Variants in KIF21A observed in about 807,000 individuals in gnomAD.
KIF21A encodes the protein kinesin-like protein KIF21A.
KIF21A carries 114 observed loss-of-function variants against 202.9 expected under a neutral mutation model. The ratio of observed to expected loss-of-function variants is 0.56; its 90% CI spans 0.48 to 0.66. The LOEUF (loss-of-function observed/expected upper bound fraction) is 0.66, where lower values mean the gene tolerates loss of function less well. Among genes scored for constraint, KIF21A ranks in the 30% least tolerant of loss-of-function variants. KIF21A has a pLI of 0.00. For synonymous variants in KIF21A, 667 were observed against 670.8 expected, an observed-to-expected ratio of 0.99 and a Z score of 0.09; for missense variants, 1,677 against 1,994.9, an observed-to-expected ratio of 0.84 and a Z score of 3.04.
intron 11 of KIF21A, among the ~76,000 whole-genome samples, chr12:39,350,739 A>T (rs1194194348): frequency 6.6e-6 from 1 of 152,032 alleles, no homozygotes; most frequent in African/African-American, 2.4e-5. Flanking sequence ...ATAATGTATA[A>T]TTCCTTGCTT....
At chr12:39,319,862 G>T in intron 28 of KIF21A, 44 bp downstream of exon 28, 1 of 1,071,072 alleles carries the variant, frequency 9.3e-7, no homozygotes, top group Non-Finnish European at 1.4e-6. Context: ...AAGTGCAGCA[G>T]GCATTTAATA....
chr12:39,365,129 C>T (rs1380711422), intron 6 of KIF21A, among the ~76,000 whole-genome samples: 1 of 152,106 alleles, frequency 6.6e-6, no homozygotes, highest in African/African-American at 2.4e-5. Flanking sequence ...CCACTTAGAC[C>T]CCATATGATT....
intron 10 of KIF21A, among the ~76,000 whole-genome samples, chr12:39,352,642 G>C (rs993338869): frequency 2.0e-5 from 3 of 152,134 alleles, no homozygotes. Flanking sequence ...TCACACAATA[G>C]TAGCATTTCC....
At chr12:39,306,801 A>G (rs1331339201) in intron 34 of KIF21A, among the ~76,000 whole-genome samples, 1 of 152,208 alleles carries the variant, frequency 6.6e-6, no homozygotes, top group South Asian at 2.1e-4. Flanking sequence ...TGGCAAGAGC[A>G]TTTGAGCCCA....
At chr12:39,295,117 T>G (rs1198729109) in intron 37 of KIF21A, among the ~76,000 whole-genome samples, 1 of 152,170 alleles carries the variant, frequency 6.6e-6, no homozygotes, top group Non-Finnish European at 1.5e-5. Flanking sequence ...AAGAGGCTAT[T>G]GAGAAGTGAA....
In KIF21A at chr12:39,341,912, T is replaced by C. The variant is rs1169518046; in HGVS notation, c.1803+122A>G. 4.0e-6 allele frequency: 3 copies of C among 745,780 alleles called. No homozygotes were observed. In the African/African-American group the frequency reaches 5.2e-5, roughly 13 times the overall value. 46.2% of individuals were successfully genotyped at this position (745,780 alleles called of 1,614,324 possible). A position where few individuals can be genotyped will look rare whatever the true frequency, so the allele number is the denominator to read the frequency against. On this transcript the variant is annotated intron_variant, in intron 13 of 37. Transcript: ENST00000361418. ...CTCTGAAGAAACATCTTCAAAGAAA[T>C]AGATTAAACAGAATGCATCATAAGC...
intron 30 of KIF21A, 165 bp downstream of exon 30, chr12:39,315,767 C>A: frequency 4.2e-6 from 3 of 712,040 alleles, no homozygotes; most frequent in Non-Finnish European, 7.8e-6. Context: ...AAGGTATGAC[C>A]ACAAAAATGT....
chr12:39,366,604 C>T, intron 5 of KIF21A, 87 bp from the exon 6 acceptor site: 1 of 918,154 alleles, frequency 1.1e-6, no homozygotes, highest in Non-Finnish European at 1.7e-6. Flanking sequence ...CCCATGTACA[C>T]ATATAGGCAC....
At chr12:39,363,415 T>C (rs893795582) in intron 6 of KIF21A, among the ~76,000 whole-genome samples, 4 of 152,048 alleles carry the variant, frequency 2.6e-5, no homozygotes, top group African/African-American at 9.7e-5. Flanking sequence ...ACCGTATGTA[T>C]ATATTAGTAC....
chr12:39,330,247 G>T lies in KIF21A; in HGVS notation c.3335C>A (p.Pro1112Gln), dbSNP rs1167441024. Residue 1112 changes from proline (P) to glutamine (Q), a missense_variant, in exon 24 of 38, where the codon CCA (proline) becomes CAA (glutamine). This residue lies in a region of KIF21A where 705 missense variants were observed against 791.9 expected (regional missense o/e 0.89). Transcript: ENST00000361418. ...GHALQDLDSVPLENVEDSTDE... is the reference protein window; with the variant it reads ...GHALQDLDSVQLENVEDSTDE... ...AGAAAGCTAAACATACTTACCTAAT[G>T]GTACGCTATCTAGATCTGTGTAAAT... 22 of 1,611,716 alleles carry T rather than the reference G, an allele frequency of 1.4e-5. No individual in the cohort carries two copies. The highest frequency in any genetic ancestry group is 1.8e-5 in the Non-Finnish European group (21 of 1,178,268).
At chr12:39,413,420 AC>A (rs1360057496) in intron 1 of KIF21A, among the ~76,000 whole-genome samples, 1 of 152,212 alleles carries the variant, frequency 6.6e-6, no homozygotes, top group African/African-American at 2.4e-5. Flanking sequence ...GCGTTCCTTG[AC>A]CAGGTGAAAT....
intron 7 of KIF21A, among the ~76,000 whole-genome samples, chr12:39,361,522 C>CTTTTTT (rs541860250): frequency 7.6e-6 from 1 of 131,732 alleles, no homozygotes; most frequent in Non-Finnish European, 1.6e-5. Context: ...AACTTTCTTT[C>CTTTTTT]TTTTTTTTTT....
At chr12:39,350,701 G>A (rs1948299203) in intron 11 of KIF21A, among the ~76,000 whole-genome samples, 1 of 151,962 alleles carries the variant, frequency 6.6e-6, no homozygotes, top group African/African-American at 2.4e-5. Flanking sequence ...TCTCAAGAGT[G>A]CAATTTCAAT....
chr12:39,344,832 A>T (rs1947753731), intron 12 of KIF21A, among the ~76,000 whole-genome samples: 1 of 152,182 alleles, frequency 6.6e-6, no homozygotes, highest in Admixed American at 6.6e-5. Context: ...AAGATATTTA[A>T]ATTTGTGCTT....
chr12:39,316,252 CAGA>C (rs1179070931), intron 29 of KIF21A, among the ~76,000 whole-genome samples: 5 of 152,026 alleles, frequency 3.3e-5, no homozygotes, highest in African/African-American at 1.2e-4. Flanking sequence ...TTAGGCCTTG[CAGA>C]AGAATAGTAT....
At chr12:39,368,108 G>A (rs1949721721) in intron 3 of KIF21A, 76 bp from the exon 4 acceptor site, 1 of 878,000 alleles carries the variant, frequency 1.1e-6, no homozygotes, top group Non-Finnish European at 1.8e-6. Flanking sequence ...ATTACATAAT[G>A]ATTCCTTCAT....
intron 10 of KIF21A, among the ~76,000 whole-genome samples, chr12:39,353,773 G>C (rs550647532): frequency 3.0e-4 from 45 of 152,082 alleles, no homozygotes; most frequent in African/African-American, 1.0e-3. Context: ...GCTGACAAAG[G>C]CCTTTTAGGG....
intron 1 of KIF21A, among the ~76,000 whole-genome samples, chr12:39,402,879 TA>T (rs901898812): frequency 1.5e-4 from 23 of 151,462 alleles, no homozygotes; most frequent in South Asian, 1.0e-3. Context: ...TATATTTAGT[TA>T]AAAAAAAATT....
chr12:39,432,050 T>C (rs1299443435), intron 1 of KIF21A, among the ~76,000 whole-genome samples: 1 of 152,178 alleles, frequency 6.6e-6, no homozygotes, highest in Non-Finnish European at 1.5e-5. Context: ...AGGTGAAGAC[T>C]AACAGACCAA....
Sources: allele counts gnomAD v4.1 joint callset (sites outside exome capture counted in the v4.1 genomes callset), GRCh38; gene constraint gnomAD v4.1.1; regional missense constraint gnomAD v4.1.1; transcripts MANE v1.5; gene names NCBI Gene and HGNC (gene_info 2026-07-23, HGNC 2026-07-21).